Variants in CXCL11 observed in about 807,000 individuals in gnomAD.
CXCL11 encodes C-X-C motif chemokine ligand 11.
Under a neutral mutation model 9.7 loss-of-function variants are expected in CXCL11, and 7 were observed. That is an observed-to-expected ratio of 0.72 (90% CI 0.41 to 1.36). The LOEUF (loss-of-function observed/expected upper bound fraction) is 1.36. CXCL11 is among the 40% of genes most tolerant of loss of function. The pLI is 0.01. For missense variants in CXCL11, 107 were observed against 113.4 expected (o/e 0.94, Z 0.26); for synonymous variants, 35 against 34.4 (o/e 1.02, Z -0.06).
In CXCL11 at chr4:76,034,401, C is replaced by A; in HGVS notation, c.*392G>T. ...GACAGAAATGTTCTCATAGTCACAA[C>A]AGAATAGTTGTAAGCATCAAATCTA... On this transcript the variant is annotated 3_prime_UTR_variant, in exon 4 of 4. Coordinates refer to ENST00000306621, the MANE Select transcript of CXCL11 (RefSeq NM_005409.5). The A allele has an allele frequency of 2.2e-6, 1 of 456,740 alleles. No homozygotes were observed. Among genetic ancestry groups the A allele is most frequent in the East Asian group, 3.5e-5 (1 of 28,594 alleles). 28.3% of individuals were successfully genotyped at this position (456,740 alleles called of 1,614,324 possible).
rs4241580 is a variant in CXCL11, at chr4:76,035,035, T to G, written c.261+12A>C. 26 of 1,602,196 alleles carry G rather than the reference T, an allele frequency of 1.6e-5. No individual in the cohort carries two copies. In the African/African-American group the frequency reaches 2.8e-4, roughly 17 times the overall value. ...AAACAGATTATAACATGGGAGTAAT[T>G]TGGTAACTTACTTTGATTATAAGCC... is the stretch of plus-strand genomic sequence containing the variant. On this transcript the variant is annotated intron_variant, in intron 3 of 3. Coordinates refer to ENST00000306621, the MANE Select transcript of CXCL11 (RefSeq NM_005409.5).
In CXCL11 at chr4:76,036,002, G is replaced by A. The variant is rs1313235941; in HGVS notation, c.-15C>T. 2 of 1,612,532 alleles carry A rather than the reference G, an allele frequency of 1.2e-6. No homozygotes were observed. Among genetic ancestry groups the A allele is most frequent in the Non-Finnish European group, 8.5e-7 (1 of 1,179,344 alleles). ...TTCACACTCATGTTTGTTTTTTGCT[G>A]TTGCTGCTGGTGCTGCTGCTGCTAC... On this transcript the variant is annotated 5_prime_UTR_variant, in exon 1 of 4. Transcript: ENST00000306621.
At position 76,035,334 on chromosome 4, in the gene CXCL11, T is replaced by C. The variant is rs781144824; in HGVS notation, c.70A>G (p.Met24Val). The C allele has an allele frequency of 3.1e-6, 5 of 1,613,940 alleles. No individual in the cohort carries two copies. Among genetic ancestry groups the C allele is most frequent in the East Asian group, 4.5e-5 (2 of 44,872 alleles). Reference protein sequence around the residue: ...LCATVVQGFPMFKRGRCLCIG... With the variant: ...LCATVVQGFPVFKRGRCLCIG... ...CAAAGACAGCGTCCTCTTTTGAACATGGGGAAGCCTAGAATAGATCATAGC... is the reference window on the plus strand; with the variant it reads ...CAAAGACAGCGTCCTCTTTTGAACACGGGGAAGCCTAGAATAGATCATAGC... Residue 24 changes from methionine (M) to valine (V), a missense_variant, in exon 2 of 4, where the codon ATG becomes GTG. Coordinates refer to ENST00000306621, the MANE Select transcript of CXCL11 (RefSeq NM_005409.5).
Position 76,034,469 on chromosome 4 carries a change from A to G in CXCL11, c.*324T>C. 1.9e-6 allele frequency: 1 copy of G among 514,870 alleles called. No homozygotes were observed. Among genetic ancestry groups the G allele is most frequent in the Non-Finnish European group, 3.4e-6 (1 of 298,270 alleles). 31.9% of individuals were successfully genotyped at this position (514,870 alleles called of 1,614,324 possible). A position where few individuals can be genotyped will look rare whatever the true frequency, so the allele number is the denominator to read the frequency against. On this transcript the variant is annotated 3_prime_UTR_variant, in exon 4 of 4. Coordinates refer to ENST00000306621, the MANE Select transcript of CXCL11 (RefSeq NM_005409.5). The stretch of plus-strand genomic sequence containing the variant: ...GAAATGCATGAATGTATAATGCAAC[A>G]AGTAAGAACGTGAAAGCACTTTGTA...
chr4:76,034,451 A>G lies in CXCL11; in HGVS notation c.*342T>C, dbSNP rs1734159270. 2.0e-6 allele frequency: 1 copy of G among 492,740 alleles called. No homozygotes were observed. Among genetic ancestry groups the G allele is most frequent in the Non-Finnish European group, 3.5e-6 (1 of 286,034 alleles). 30.5% of individuals were successfully genotyped at this position (492,740 alleles called of 1,614,324 possible). ...AGAAGGTTCTCTAGCCTAGAAATGC[A>G]TGAATGTATAATGCAACAAGTAAGA... is the stretch of plus-strand genomic sequence containing the variant. On this transcript the variant is annotated 3_prime_UTR_variant, in exon 4 of 4. Transcript: ENST00000306621.
At chr4:76,035,890 G>T (rs6817952) in intron 1 of CXCL11, 37 bp downstream of exon 1, 2 of 1,563,370 alleles carry the variant, frequency 1.3e-6, no homozygotes, top group South Asian at 2.3e-5. Context: ...CATTAGAAAA[G>T]GAACTTATAG....
rs1734164017 is a variant in CXCL11 at position 76,034,481 on chromosome 4, G to A, written c.*312C>T. 17 of 519,036 alleles carry A rather than the reference G, an allele frequency of 3.3e-5. No homozygotes were observed. The South Asian group carries it at 5.2e-4, about 16-fold the overall frequency. 32.2% of individuals were successfully genotyped at this position (519,036 alleles called of 1,614,324 possible). On this transcript the variant is annotated 3_prime_UTR_variant, in exon 4 of 4. Coordinates refer to ENST00000306621, the MANE Select transcript of CXCL11 (RefSeq NM_005409.5). ...TGTATAATGCAACAAGTAAGAACGTGAAAGCACTTTGTAAACTCCGATGGT... is the reference window on the plus strand; with the variant it reads ...TGTATAATGCAACAAGTAAGAACGTAAAAGCACTTTGTAAACTCCGATGGT...
intron 3 of CXCL11, 78 bp downstream of exon 3, chr4:76,034,966 AGTT>A: frequency 7.1e-7 from 1 of 1,414,982 alleles, no homozygotes; most frequent in South Asian, 1.2e-5. Context: ...ATCTTTCTGT[AGTT>A]GTCCACATTA....
chr4:76,035,594 C>G (rs1304140621), intron 1 of CXCL11, among the ~76,000 whole-genome samples: 1 of 152,122 alleles, frequency 6.6e-6, no homozygotes, highest in East Asian at 1.9e-4. Context: ...TTGTTTTGCC[C>G]CCTTGATTTT....
Position 76,035,307 on chromosome 4 carries a change from T to C in CXCL11, c.97A>G (p.Ile33Val), listed in dbSNP as rs1734273054. Residue 33 changes from isoleucine (I) to valine (V), a missense_variant, in exon 2 of 4, where the codon ATA (isoleucine) becomes GTA (valine). Transcript: ENST00000306621. The stretch of plus-strand genomic sequence containing the variant: ...TTCACTGCTTTTACCCCAGGGCCTA[T>C]GCAAAGACAGCGTCCTCTTTTGAAC... ...PMFKRGRCLCIGPGVKAVKVA... is the reference protein window; with the variant it reads ...PMFKRGRCLCVGPGVKAVKVA... The C allele has an allele frequency of 6.2e-7, 1 of 1,614,074 alleles. No homozygotes were observed. Among genetic ancestry groups the C allele is most frequent in the South Asian group, 1.1e-5 (1 of 91,078 alleles).
intron 1 of CXCL11, 60 bp from the exon 2 acceptor site, chr4:76,035,402 T>C: frequency 1.3e-6 from 2 of 1,569,046 alleles, no homozygotes; most frequent in South Asian, 2.3e-5. Flanking sequence ...GGCTGTGGTT[T>C]ATAGCTGGTG....
intron 1 of CXCL11, 52 bp from the exon 2 acceptor site, chr4:76,035,394 C>T: frequency 6.3e-7 from 1 of 1,587,586 alleles, no homozygotes; most frequent in Non-Finnish European, 8.6e-7. Context: ...CAACAGATGG[C>T]TGTGGTTTAT....
At chr4:76,035,565 A>G (rs1445919467) in intron 1 of CXCL11, among the ~76,000 whole-genome samples, 1 of 152,254 alleles carries the variant, frequency 6.6e-6, no homozygotes, top group Non-Finnish European at 1.5e-5. Context: ...GCATGAAGGA[A>G]GTTTATTGGA....
intron 1 of CXCL11, among the ~76,000 whole-genome samples, 170 bp from the exon 2 acceptor site, chr4:76,035,512 A>G (rs1214474861): frequency 6.6e-6 from 1 of 152,210 alleles, no homozygotes; most frequent in East Asian, 1.9e-4. Flanking sequence ...GATGTTGATT[A>G]TTTTCTCATT....
chr4:76,035,965 A>C lies in CXCL11; in HGVS notation c.23T>G (p.Ile8Arg), dbSNP rs763263552. Residue 8 changes from isoleucine to arginine, a missense_variant, in exon 1 of 4, where the codon ATA becomes AGA. Physicochemically the swap from Ile to Arg is moderately conservative, Grantham distance 97. Coordinates refer to ENST00000306621, the MANE Select transcript of CXCL11 (RefSeq NM_005409.5). ...AGCACACAATATCACAGCCAAGGCT[A>C]TAGCCATGCCCTTCACACTCATGTT... MSVKGMAIALAVILCATV... is the reference protein window; with the variant it reads MSVKGMARALAVILCATV... The C allele has an allele frequency of 6.2e-7, 1 of 1,614,056 alleles. No homozygotes were observed. The highest frequency in any genetic ancestry group is 8.5e-7 in the Non-Finnish European group (1 of 1,179,962).
Position 76,035,989 on chromosome 4 carries a change from T to C in CXCL11, c.-2A>G, listed in dbSNP as rs761343612. Reference sequence around the variant, plus strand: ...TATAGCCATGCCCTTCACACTCATGTTTGTTTTTTGCTGTTGCTGCTGGTG... The same window carrying C: ...TATAGCCATGCCCTTCACACTCATGCTTGTTTTTTGCTGTTGCTGCTGGTG... On this transcript the variant is annotated 5_prime_UTR_variant, in exon 1 of 4. Coordinates refer to ENST00000306621, the MANE Select transcript of CXCL11 (RefSeq NM_005409.5). 2.5e-6 allele frequency: 4 copies of C among 1,613,812 alleles called. No homozygotes were observed. Among genetic ancestry groups the C allele is most frequent in the Non-Finnish European group, 3.4e-6 (4 of 1,179,894 alleles).
rs1387290875 is a variant in CXCL11 at position 76,034,768 on chromosome 4, C to T, written c.*25G>A. The T allele has an allele frequency of 2.0e-6, 3 of 1,494,722 alleles. No individual in the cohort carries two copies. Among genetic ancestry groups the T allele is most frequent in the Non-Finnish European group, 1.9e-6 (2 of 1,080,042 alleles). 92.6% of individuals were successfully genotyped at this position (1,494,722 alleles called of 1,614,324 possible). A position where few individuals can be genotyped will look rare whatever the true frequency, so the allele number is the denominator to read the frequency against. On this transcript the variant is annotated 3_prime_UTR_variant, in exon 4 of 4. Coordinates refer to ENST00000306621, the MANE Select transcript of CXCL11 (RefSeq NM_005409.5). ...TCTAGGTTTTTCAGATGCTCTTTTC[C>T]AGGACTTCATATGTTTTGATATTTT...
Position 76,034,478 on chromosome 4 carries a change from C to T in CXCL11, c.*315G>A, listed in dbSNP as rs1169515397. 4 of 515,840 alleles carry T rather than the reference C, an allele frequency of 7.8e-6. No individual in the cohort carries two copies. The highest frequency in any genetic ancestry group is 4.0e-5 in the African/African-American group (2 of 49,486). The allele number at this position is 515,840 out of a possible 1,614,324, so 32.0% of individuals were successfully genotyped here. A position where few individuals can be genotyped will look rare whatever the true frequency, so the allele number is the denominator to read the frequency against. ...GAATGTATAATGCAACAAGTAAGAA[C>T]GTGAAAGCACTTTGTAAACTCCGAT... On this transcript the variant is annotated 3_prime_UTR_variant, in exon 4 of 4. Transcript: ENST00000306621.
Position 76,034,109 on chromosome 4 carries a change from A to G in CXCL11, c.*684T>C, listed in dbSNP as rs1734120623. 1 of 217,172 alleles carries G rather than the reference A, an allele frequency of 4.6e-6. No individual in the cohort carries two copies. The highest frequency in any genetic ancestry group is 8.9e-6 in the Non-Finnish European group (1 of 112,012). 13.5% of individuals were successfully genotyped at this position (217,172 alleles called of 1,614,324 possible). On this transcript the variant is annotated 3_prime_UTR_variant, in exon 4 of 4. Transcript: ENST00000306621. ...TATCCCATAGCGTATAATTTTTTTC[A>G]TAGTACATTTTATGAATTACATTTA...
Sources: gnomAD v4.1 joint callset for allele counts (sites outside exome capture counted in the v4.1 genomes callset) on GRCh38, gnomAD v4.1.1 for gene constraint, MANE v1.5 for transcripts, NCBI Gene and HGNC (gene_info 2026-07-23, HGNC 2026-07-21) for gene names.